The following RIPOR2 variants were observed in gnomAD, a reference collection of about 807,000 sequenced individuals.
RIPOR2 encodes the protein rho family-interacting cell polarization regulator 2.
In RIPOR2, 39 loss-of-function variants were observed where a neutral mutation model predicts 114.5. That is an observed-to-expected ratio of 0.34 (90% CI 0.26 to 0.44). The LOEUF is 0.44. Among genes scored for constraint, RIPOR2 ranks in the 20% least tolerant of loss-of-function variants. The pLI, the probability that RIPOR2 is intolerant of heterozygous loss-of-function variation, is 1.00. For synonymous variants in RIPOR2, 445 were observed against 484.4 expected (o/e 0.92, Z 1.07); for missense variants, 1,007 against 1,255.1 (o/e 0.80, Z 2.99).
chr6:24,822,369 A>G (rs562133184), intron 19 of RIPOR2, among the ~76,000 whole-genome samples: 20 of 152,186 alleles, frequency 1.3e-4, no homozygotes, highest in Non-Finnish European at 2.5e-4. Context: ...TGTCCCATGA[A>G]GAGATGACTA....
chr6:24,881,582 C>T (rs1277546139), intron 1 of RIPOR2, among the ~76,000 whole-genome samples: 1 of 152,238 alleles, frequency 6.6e-6, no homozygotes, highest in Non-Finnish European at 1.5e-5. Context: ...TTTCTCGTCC[C>T]AGTTTCTTCA....
rs188198151 is a variant in RIPOR2, at chr6:24,972,707, A to G, written c.76+69144T>C. ...CCAGGAATAAAGTTATTTGTCCAGC[A>G]TTACAATGACTGCCTTGGGAGGTAA... On this transcript the variant is annotated intron_variant, in intron 1 of 13. Coordinates refer to the RIPOR2 transcript ENST00000510784. 1.1e-4 allele frequency among the ~76,000 whole-genome samples: 17 copies of G among 152,356 alleles called. No homozygotes were observed. In the East Asian group the frequency reaches 3.3e-3, roughly 29 times the overall value.
intron 1 of RIPOR2, among the ~76,000 whole-genome samples, chr6:25,040,494 C>T (rs115275815): frequency 0.053 from 8,115 of 152,172 alleles, 263 homozygotes; most frequent in Non-Finnish European, 0.068. Flanking sequence ...AGTTGTCACA[C>T]GTTGCCTCAG....
intron 1 of RIPOR2, chr6:25,015,888 GTTTTTTGGTTTTTTTTTTTTTTT>G (rs1457218900): frequency 4.1e-5 from 3 of 74,056 alleles, no homozygotes; most frequent in African/African-American, 5.6e-5. Flanking sequence ...AAAAACGCAG[GTTTTTTGGTTTTTTTTTTTTTTT>G]TTTTTTTTTT....
rs370179027 is a variant in RIPOR2 at position 24,888,002 on chromosome 6, C to T, written c.62-12185G>A. Among the ~76,000 whole-genome samples the T allele has an allele frequency of 4.2e-4, 63 of 148,722 alleles. 1 individual carries two copies. In the South Asian group the frequency reaches 0.011, roughly 26 times the overall value. ...CACTTGTAGACCCTCATTTGGTGTACACTACATGGCAAACCAGGACCAACT... is the reference window on the plus strand; with the variant it reads ...CACTTGTAGACCCTCATTTGGTGTATACTACATGGCAAACCAGGACCAACT... On this transcript the variant is annotated intron_variant, in intron 1 of 21. Transcript: ENST00000643898.
chr6:24,839,480 A>C, intron 13 of RIPOR2: 1 of 1,413,998 alleles, frequency 7.1e-7, no homozygotes. Flanking sequence ...GACTGGTTGC[A>C]GAAGAATCCA....
chr6:24,974,278 G>A (rs1773930432), intron 1 of RIPOR2, among the ~76,000 whole-genome samples: 1 of 152,156 alleles, frequency 6.6e-6, no homozygotes, highest in South Asian at 2.1e-4. Context: ...CCTAGTTATT[G>A]AGGATCACTT....
intron 15 of RIPOR2, among the ~76,000 whole-genome samples, chr6:24,835,398 A>G (rs1761031351): frequency 6.6e-6 from 1 of 152,204 alleles, no homozygotes; most frequent in African/African-American, 2.4e-5. Context: ...GGTGGAATAC[A>G]AATGGCTTCC....
chr6:25,019,916 T>C (rs1366965002), intron 1 of RIPOR2, among the ~76,000 whole-genome samples: 1 of 151,910 alleles, frequency 6.6e-6, no homozygotes, highest in Non-Finnish European at 1.5e-5. Context: ...GGGGATTTTT[T>C]ATATTACATT....
intron 14 of RIPOR2, among the ~76,000 whole-genome samples, chr6:24,836,828 ACACT>A (rs70974943): frequency 0.25 from 37,043 of 150,984 alleles, 5,502 homozygotes; most frequent in Middle Eastern, 0.35. Flanking sequence ...ACACACACAC[ACACT>A]CTCTCTCTCT....
chr6:24,963,583 A>G (rs1773399587), intron 1 of RIPOR2, among the ~76,000 whole-genome samples: 1 of 152,234 alleles, frequency 6.6e-6, no homozygotes, highest in African/African-American at 2.4e-5. Context: ...CAATATGTAC[A>G]TATTAATATG....
At chr6:24,943,042 ATATGTT>A (rs1165930330) in intron 1 of RIPOR2, among the ~76,000 whole-genome samples, 3 of 152,206 alleles carry the variant, frequency 2.0e-5, no homozygotes, top group African/African-American at 7.2e-5. Context: ...ACATGCACAC[ATATGTT>A]TACTGCAGCA....
chr6:24,819,138 T>C (rs1247870915), intron 19 of RIPOR2, among the ~76,000 whole-genome samples: 1 of 151,916 alleles, frequency 6.6e-6, no homozygotes, highest in Non-Finnish European at 1.5e-5. Flanking sequence ...TTAAATAAAA[T>C]TGGGAGAGAG....
chr6:24,961,428 A>G (rs390465), intron 1 of RIPOR2, among the ~76,000 whole-genome samples: 120,560 of 151,686 alleles, frequency 0.79, 51,454 homozygotes, highest in East Asian at 0.96. Flanking sequence ...TGATGCATAC[A>G]GTGTAATATG....
At chr6:24,931,760 A>C (rs1435467254) in intron 1 of RIPOR2, 1 of 152,194 alleles carries the variant, frequency 6.6e-6, no homozygotes, top group Non-Finnish European at 1.5e-5. Flanking sequence ...TTATTATTCT[A>C]ATCATTGCAC....
intron 6 of RIPOR2, among the ~76,000 whole-genome samples, chr6:24,866,885 A>G (rs536412384): frequency 6.6e-6 from 1 of 152,298 alleles, no homozygotes; most frequent in African/African-American, 2.4e-5. Context: ...AAGCTTAACT[A>G]TAGATCCAGA....
chr6:24,911,291 G>A (rs1769564926), intron 1 of RIPOR2: 2 of 152,346 alleles, frequency 1.3e-5, no homozygotes, highest in East Asian at 1.9e-4. Context: ...CTTTGCAAGA[G>A]CTGGCGCGGC....
chr6:24,967,577 T>A (rs568872082), intron 1 of RIPOR2, among the ~76,000 whole-genome samples: 12 of 152,212 alleles, frequency 7.9e-5, no homozygotes, highest in African/African-American at 1.2e-4. Flanking sequence ...ATTTCCCATA[T>A]GACTGTACCT....
At chr6:25,021,045 G>A (rs1776295632) in intron 1 of RIPOR2, among the ~76,000 whole-genome samples, 1 of 152,086 alleles carries the variant, frequency 6.6e-6, no homozygotes, top group Admixed American at 6.5e-5. Context: ...TTTTAGTAGA[G>A]AAGGGGTTTC....
Sources: allele counts gnomAD v4.1 joint callset (sites outside exome capture counted in the v4.1 genomes callset), GRCh38; gene constraint gnomAD v4.1.1; transcripts MANE v1.5; gene names NCBI Gene and HGNC (gene_info 2026-07-23, HGNC 2026-07-21).